The following CHRND variants were observed in gnomAD, a reference collection of about 807,000 sequenced individuals.
The protein encoded by CHRND is acetylcholine receptor subunit delta.
CHRND carries 40 observed loss-of-function variants against 57.8 expected under a neutral mutation model. The ratio of observed to expected loss-of-function variants is 0.69; its 90% CI spans 0.54 to 0.90. CHRND has a LOEUF of 0.90. Among genes scored for constraint, CHRND ranks in the 40% least tolerant of loss-of-function variants. The pLI, the probability that CHRND is intolerant of heterozygous loss-of-function variation, is 0.00. For missense variants in CHRND, 634 were observed against 673.9 expected (o/e 0.94, Z 0.66); for synonymous variants, 237 against 270.6 (o/e 0.88, Z 1.22).
chr2:232,529,480 A>G (rs947280633), intron 6 of CHRND, among the ~76,000 whole-genome samples: 4 of 152,128 alleles, frequency 2.6e-5, no homozygotes, highest in Non-Finnish European at 5.9e-5. Flanking sequence ...CTGGCACATC[A>G]TGGCAGGGAT....
intron 9 of CHRND, among the ~76,000 whole-genome samples, chr2:232,532,476 CAAAAAA>C (rs578172115): frequency 5.4e-5 from 5 of 92,554 alleles, no homozygotes; most frequent in Admixed American, 1.1e-4. Flanking sequence ...ACTCTGTCTC[CAAAAAA>C]AAAAAAAAAA....
At position 232,535,327 on chromosome 2, in the gene CHRND, G is replaced by T. The variant is rs1481546896; in HGVS notation, c.*15G>T. ...GCTTCATCTAGGGTGGGCCTGTTGG[G>T]GAGCCAGGAGACAGCAGGGTCTGAG... On this transcript the variant is annotated 3_prime_UTR_variant, in exon 12 of 12. Transcript: ENST00000258385. 1 of 1,611,622 alleles carries T rather than the reference G, an allele frequency of 6.2e-7. No individual in the cohort carries two copies. The highest frequency in any genetic ancestry group is 1.3e-5 in the African/African-American group (1 of 75,048).
At chr2:232,526,362 C>T in intron 1 of CHRND, 95 bp downstream of exon 1, 1 of 1,520,032 alleles carries the variant, frequency 6.6e-7, no homozygotes, top group Non-Finnish European at 9.0e-7. Flanking sequence ...TCCCACTCTG[C>T]CATCTCTCCC....
rs1176083852 is a variant in CHRND, at chr2:232,535,884, G to C, written c.*572G>C. The C allele has an allele frequency of 2.2e-6, 1 of 453,970 alleles. No individual in the cohort carries two copies. Among genetic ancestry groups the C allele is most frequent in the Non-Finnish European group, 4.4e-6 (1 of 226,808 alleles). 28.1% of individuals were successfully genotyped at this position (453,970 alleles called of 1,614,324 possible). On this transcript the variant is annotated 3_prime_UTR_variant, in exon 12 of 12. Coordinates refer to ENST00000258385, the MANE Select transcript of CHRND (RefSeq NM_000751.3). ...GGAAGTTGAGGACTGGAGTGGAAAG[G>C]TCAGGATCGACATCCACAAAGACTT...
At chr2:232,533,839 T>C (rs757022833) in intron 9 of CHRND, 92 bp from the exon 10 acceptor site, 567 of 1,331,444 alleles carry the variant, frequency 4.3e-4, no homozygotes, top group Non-Finnish European at 2.4e-4. Flanking sequence ...ATCGCGCCAC[T>C]GCACTCCAGC....
chr2:232,531,970 A>AAAAAAAAAAAG (rs1391577789), intron 9 of CHRND, among the ~76,000 whole-genome samples: 3 of 135,214 alleles, frequency 2.2e-5, no homozygotes, highest in African/African-American at 7.9e-5. Context: ...AAAAAAAAAA[A>AAAAAAAAAAAG]AAAAGAAATG....
chr2:232,534,442 C>A, intron 11 of CHRND, 100 bp downstream of exon 11: 1 of 1,173,200 alleles, frequency 8.5e-7, no homozygotes, highest in Non-Finnish European at 1.3e-6. Context: ...AGGCACACAC[C>A]AACTTAGATG....
At chr2:232,528,393 C>A (rs1470144014) in intron 4 of CHRND, 22 bp downstream of exon 4, 8 of 1,613,544 alleles carry the variant, frequency 5.0e-6, no homozygotes, top group Non-Finnish European at 5.1e-6. Context: ...CCCTCCCTGA[C>A]CTCCCCTCTG....
chr2:232,533,834 G>A (rs374923959), intron 9 of CHRND, 97 bp from the exon 10 acceptor site: 58 of 1,249,722 alleles, frequency 4.6e-5, no homozygotes, highest in East Asian at 2.8e-4. Flanking sequence ...CCGAGATCGC[G>A]CCACTGCACT....
chr2:232,532,143 C>T (rs969812832), intron 9 of CHRND, among the ~76,000 whole-genome samples: 15 of 150,856 alleles, frequency 9.9e-5, no homozygotes, highest in African/African-American at 1.5e-4. Flanking sequence ...GGCAACAGAT[C>T]GAGACCCCAT....
intron 6 of CHRND, among the ~76,000 whole-genome samples, 161 bp downstream of exon 6, chr2:232,529,132 T>C (rs148860169): frequency 1.4e-4 from 21 of 152,052 alleles, no homozygotes; most frequent in African/African-American, 4.8e-4. Flanking sequence ...GGCAGACACA[T>C]ATCCGCCCAC....
At chr2:232,528,741 GC>G in intron 5 of CHRND, 85 bp downstream of exon 5, 1 of 1,592,764 alleles carries the variant, frequency 6.3e-7, no homozygotes, top group Non-Finnish European at 8.6e-7. Context: ...TCAGACAGAG[GC>G]CCCTGCCCTG....
In CHRND at chr2:232,535,201, G is replaced by C. The variant is rs1315703995; in HGVS notation, c.1443G>C (p.Met481Ile). Reference sequence around the variant, plus strand: ...GCCTGTTTGTGGTGACGCCTGTCATGGTGGTGGGCACAGCCTGGATCTTCC... The same window carrying C: ...GCCTGTTTGTGGTGACGCCTGTCATCGTGGTGGGCACAGCCTGGATCTTCC... ...RLCLFVVTPV[M>I]VVGTAWIFLQ... The change falls in exon 12 of 12, where the codon ATG (methionine) becomes ATC (isoleucine). Residue 481 changes from methionine (M) to isoleucine (I), a missense_variant. Coordinates refer to ENST00000258385, the MANE Select transcript of CHRND (RefSeq NM_000751.3). 3 of 1,614,226 alleles carry C rather than the reference G, an allele frequency of 1.9e-6. No homozygotes were observed. Among genetic ancestry groups the C allele is most frequent in the South Asian group, 2.2e-5 (2 of 91,086 alleles).
chr2:232,533,699 GA>G (rs1163891138), intron 9 of CHRND, among the ~76,000 whole-genome samples: 1 of 152,162 alleles, frequency 6.6e-6, no homozygotes, highest in African/African-American at 2.4e-5. Context: ...CCAAAATGGT[GA>G]AACCCCATCT....
At chr2:232,534,369 C>CTGTTCAAGT in intron 11 of CHRND, 27 bp downstream of exon 11, 1 of 1,603,364 alleles carries the variant, frequency 6.2e-7, no homozygotes, top group Non-Finnish European at 8.5e-7. Flanking sequence ...TTGCCATGTA[C>CTGTTCAAGT]AGGTGTTCAA....
chr2:232,535,938 C>G lies in CHRND; in HGVS notation c.*626C>G. ...GTCAGCCTGAGGTTGCACACACAAT[C>G]CTAGAGGACCAGAACGCAGCACCTC... On this transcript the variant is annotated 3_prime_UTR_variant, in exon 12 of 12. Coordinates refer to ENST00000258385, the MANE Select transcript of CHRND (RefSeq NM_000751.3). 1 of 454,130 alleles carries G rather than the reference C, an allele frequency of 2.2e-6. No individual in the cohort carries two copies. The highest frequency in any genetic ancestry group is 4.4e-6 in the Non-Finnish European group (1 of 226,800). The allele number at this position is 454,130 out of a possible 1,614,324, so 28.1% of individuals were successfully genotyped here. A position where few individuals can be genotyped will look rare whatever the true frequency, so the allele number is the denominator to read the frequency against.
intron 2 of CHRND, 142 bp downstream of exon 2, chr2:232,526,816 C>A: frequency 1.2e-6 from 1 of 853,462 alleles, no homozygotes; most frequent in Non-Finnish European, 1.9e-6. Context: ...TGCTCTGTGC[C>A]CTGAGAGGCT....
rs141245014 is a variant in CHRND at position 232,530,833 on chromosome 2, C to G, written c.821-519C>G. ...GAAGGGACCTCAGCAGGGGAGCCCC[C>G]CTTCCCGCCCTTGCCATCACGTGCA... On this transcript the variant is annotated intron_variant, in intron 7 of 11. Coordinates refer to ENST00000258385, the MANE Select transcript of CHRND (RefSeq NM_000751.3). Among the ~76,000 whole-genome samples the G allele has an allele frequency of 3.5e-3, 532 of 152,274 alleles. 2 individuals are homozygous for G. Among genetic ancestry groups the G allele is most frequent in the African/African-American group, 0.012 (511 of 41,552 alleles).
At position 232,531,239 on chromosome 2, in the gene CHRND, C is replaced by G. The variant is rs537874021; in HGVS notation, c.821-113C>G. On this transcript the variant is annotated intron_variant, in intron 7 of 11. Transcript: ENST00000258385. ...TAATTTTCATCAGGGTATGATGGTA[C>G]TACAGAGGTGCCAGGGGCCACAGCG... 7 of 779,050 alleles carry G rather than the reference C, an allele frequency of 9.0e-6. No individual in the cohort carries two copies. In the South Asian group the frequency reaches 9.8e-5, roughly 11 times the overall value. 48.3% of individuals were successfully genotyped at this position (779,050 alleles called of 1,614,324 possible). A position where few individuals can be genotyped will look rare whatever the true frequency, so the allele number is the denominator to read the frequency against.
Sources: gnomAD v4.1 joint callset for allele counts (sites outside exome capture counted in the v4.1 genomes callset) on GRCh38, gnomAD v4.1.1 for gene constraint, MANE v1.5 for transcripts, NCBI Gene and HGNC (gene_info 2026-07-23, HGNC 2026-07-21) for gene names.